CAPRIN1: variants seen among roughly 807,000 people sequenced by gnomAD.
CAPRIN1 encodes the protein caprin-1.
In CAPRIN1, 29 loss-of-function variants were observed where a neutral mutation model predicts 100.9. The observed-to-expected ratio is 0.29, with a 90% CI of 0.21 to 0.39. CAPRIN1 has a LOEUF of 0.39. CAPRIN1 is among the 10% of genes least tolerant of loss of function. CAPRIN1 has a pLI of 1.00. For missense variants in CAPRIN1, 795 were observed against 876.7 expected (o/e 0.91, Z 1.18); for synonymous variants, 338 against 307.5 (o/e 1.10, Z -1.04).
chr11:34,076,715 T>G (rs1850915086), intron 6 of CAPRIN1, 73 bp downstream of exon 6: 2 of 1,043,686 alleles, frequency 1.9e-6, no homozygotes, highest in African/African-American at 1.6e-5. Context: ...TGTTTATAGT[T>G]CACTTGGAAG....
intron 9 of CAPRIN1, among the ~76,000 whole-genome samples, chr11:34,085,257 C>G (rs902497795): frequency 3.3e-5 from 5 of 152,068 alleles, no homozygotes; most frequent in Admixed American, 6.6e-5. Context: ...TGAGCTTTGG[C>G]TTCTGTAGCA....
At chr11:34,056,492 A>G (rs1850454459) in intron 2 of CAPRIN1, 4 of 152,238 alleles carry the variant, frequency 2.6e-5, no homozygotes. Context: ...TCAGGCTTAT[A>G]AAGAGTACAT....
chr11:34,066,199 C>CTCAGATGGTT (rs1850688688), intron 2 of CAPRIN1, among the ~76,000 whole-genome samples: 1 of 152,192 alleles, frequency 6.6e-6, no homozygotes, highest in South Asian at 2.1e-4. Context: ...TGGTCTTGAA[C>CTCAGATGGTT]TCCTACTCTT....
rs183199959 is a variant in CAPRIN1 at position 34,086,505 on chromosome 11, T to C, written c.1231+92T>C. ...TTGTGAAAATAAATTTTGTTTATTTTAATGACTGTTTAATTTTGACTCTTA... is the reference window on the plus strand; with the variant it reads ...TTGTGAAAATAAATTTTGTTTATTTCAATGACTGTTTAATTTTGACTCTTA... On this transcript the variant is annotated intron_variant, in intron 11 of 18. Transcript: ENST00000341394. 569 of 701,884 alleles carry C rather than the reference T, an allele frequency of 8.1e-4. 5 individuals carry two copies. In the East Asian group the frequency reaches 9.0e-3, roughly 11 times the overall value. The allele number at this position is 701,884 out of a possible 1,614,324, so 43.5% of individuals were successfully genotyped here.
At chr11:34,086,015 G>T in intron 9 of CAPRIN1, 49 bp from the exon 10 acceptor site, 1 of 1,558,678 alleles carries the variant, frequency 6.4e-7, no homozygotes. Flanking sequence ...GTAGTGAGTG[G>T]AGCTTTTTTG....
At chr11:34,087,329 A>ATT (rs5790975) in intron 11 of CAPRIN1, among the ~76,000 whole-genome samples, 7,416 of 96,456 alleles carry the variant, frequency 0.077, 1,023 homozygotes, top group Non-Finnish European at 0.09. Context: ...TATCTCTCAC[A>ATT]TTTTTTTTTT....
At chr11:34,088,903 A>T (rs56332938) in intron 11 of CAPRIN1, among the ~76,000 whole-genome samples, 2,663 of 152,290 alleles carry the variant, frequency 0.017, 54 homozygotes, top group Admixed American at 0.064. Context: ...CTTGAAAGCT[A>T]AAATTTTATC....
chr11:34,090,934 T>A (rs1026442983), intron 14 of CAPRIN1, among the ~76,000 whole-genome samples: 2 of 152,218 alleles, frequency 1.3e-5, no homozygotes, highest in African/African-American at 4.8e-5. Flanking sequence ...TTGATTTGAT[T>A]AACAAAAGCT....
At chr11:34,080,694 G>A (rs1477513542) in intron 7 of CAPRIN1, among the ~76,000 whole-genome samples, 2 of 152,228 alleles carry the variant, frequency 1.3e-5, no homozygotes, top group Non-Finnish European at 2.9e-5. Flanking sequence ...TAGAATCAGA[G>A]TGCCTGAATT....
intron 12 of CAPRIN1, 47 bp from the exon 13 acceptor site, chr11:34,090,132 C>T (rs1281147713): frequency 2.4e-6 from 3 of 1,252,812 alleles, no homozygotes; most frequent in African/African-American, 1.5e-5. Flanking sequence ...TTTTAACAGT[C>T]AATTTTGTAA....
Position 34,091,906 on chromosome 11 carries a change from G to A in CAPRIN1, c.1555G>A (p.Val519Met). 1 of 1,609,496 alleles carries A rather than the reference G, an allele frequency of 6.2e-7. No individual in the cohort carries two copies. The highest frequency in any genetic ancestry group is 8.5e-7 in the Non-Finnish European group (1 of 1,178,432). Residue 519 changes from valine (V) to methionine (M), a missense_variant and splice_region_variant, in exon 15 of 19, where the codon GTG (valine) becomes ATG (methionine). Val to Met is a conservative substitution (Grantham distance 21). Transcript: ENST00000341394. Reference protein sequence around the residue: ...NAAPFQSMQTVFNMNAPVPPV... With the variant: ...NAAPFQSMQTMFNMNAPVPPV... ...AATCATTTACTTTATTTACTAACAG[G>A]TGTTCAATATGAATGCCCCAGTTCC...
At chr11:34,092,179 T>A (rs557160580) in intron 15 of CAPRIN1, 123 bp downstream of exon 15, 3 of 847,432 alleles carry the variant, frequency 3.5e-6, no homozygotes, top group Non-Finnish European at 3.5e-6. Flanking sequence ...GCAGACCATA[T>A]GAATTTTTCA....
At chr11:34,060,671 G>A (rs938301153) in intron 2 of CAPRIN1, among the ~76,000 whole-genome samples, 9 of 152,196 alleles carry the variant, frequency 5.9e-5, no homozygotes, top group Admixed American at 5.9e-4. Context: ...ACGGTAGAAA[G>A]AACACATTGC....
intron 11 of CAPRIN1, 45 bp downstream of exon 11, chr11:34,086,458 G>A: frequency 9.2e-7 from 1 of 1,085,138 alleles, no homozygotes. Context: ...TATAAGGCCA[G>A]TACTTTCAGG....
intron 2 of CAPRIN1, 122 bp downstream of exon 2, chr11:34,052,758 C>T: frequency 1.4e-6 from 2 of 1,417,408 alleles, no homozygotes; most frequent in Non-Finnish European, 1.9e-6. Context: ...CCCCTCCTCC[C>T]ACCCCCTGGC....
At chr11:34,062,966 C>T (rs977296981) in intron 2 of CAPRIN1, 1 of 152,098 alleles carries the variant, frequency 6.6e-6, no homozygotes, top group Non-Finnish European at 1.5e-5. Context: ...TTTATCATCT[C>T]TCTTTGCTAT....
chr11:34,090,677 C>T lies in CAPRIN1; in HGVS notation c.1553C>T (p.Thr518Met), dbSNP rs1176748708. 1.9e-5 allele frequency: 30 copies of T among 1,611,776 alleles called. No homozygotes were observed. The highest frequency in any genetic ancestry group is 2.7e-5 in the African/African-American group (2 of 74,990). ...GCAGCTCCATTCCAATCCATGCAAA[C>T]GGTAAGCAAATTAACTAACATTAAT... ...VNAAPFQSMQ[T>M]VFNMNAPVPP... The change falls in exon 14 of 19, where the codon ACG becomes ATG. Residue 518 changes from threonine to methionine, a missense_variant and splice_region_variant. Physicochemically the swap from Thr to Met is moderately conservative, Grantham distance 81. Coordinates refer to ENST00000341394, the MANE Select transcript of CAPRIN1 (RefSeq NM_005898.5).
intron 2 of CAPRIN1, among the ~76,000 whole-genome samples, chr11:34,060,644 C>T (rs1465158264): frequency 6.6e-6 from 1 of 152,210 alleles, no homozygotes; most frequent in African/African-American, 2.4e-5. Flanking sequence ...AAAGTTTCCT[C>T]AATTTTTAAA....
chr11:34,089,654 C>T (rs113854630), intron 12 of CAPRIN1, among the ~76,000 whole-genome samples, 198 bp downstream of exon 12: 25 of 152,076 alleles, frequency 1.6e-4, no homozygotes, highest in African/African-American at 5.8e-4. Flanking sequence ...TAATTGGTTC[C>T]TTGGTTTCTT....
Sources: gnomAD v4.1 joint callset for allele counts (sites outside exome capture counted in the v4.1 genomes callset) on GRCh38, gnomAD v4.1.1 for gene constraint, MANE v1.5 for transcripts, NCBI Gene and HGNC (gene_info 2026-07-23, HGNC 2026-07-21) for gene names.